Variants in ATF7IP2 observed in about 807,000 individuals in gnomAD.
The protein encoded by ATF7IP2 is activating transcription factor 7-interacting protein 2.
A neutral mutation model predicts 64.2 loss-of-function variants in ATF7IP2; 42 were observed. That is an observed-to-expected ratio of 0.65 (90% CI 0.51 to 0.85). ATF7IP2 has a LOEUF of 0.85. ATF7IP2 is among the 40% of genes least tolerant of loss of function. The probability of loss-of-function intolerance (pLI) is 0.00; values close to 1 mark genes in which losing one functional copy is unlikely to be tolerated. For missense variants in ATF7IP2, 933 were observed against 784.2 expected (o/e 1.19, Z -2.27); for synonymous variants, 308 against 272.8 (o/e 1.13, Z -1.27).
At chr16:10,468,429 A>C (rs1388902916) in intron 9 of ATF7IP2, among the ~76,000 whole-genome samples, 2 of 152,162 alleles carry the variant, frequency 1.3e-5, no homozygotes, top group Admixed American at 1.3e-4. Flanking sequence ...AGGCTGAAAA[A>C]TTATTTTCAG....
Position 10,474,008 on chromosome 16 carries a change from T to A in ATF7IP2, c.1549+19T>A. ...AATACAGGTAAAAGGATTTTTTAGATCTTTCTTTTGTAAAAAGGAGGGAAG... is the reference window on the plus strand; with the variant it reads ...AATACAGGTAAAAGGATTTTTTAGAACTTTCTTTTGTAAAAAGGAGGGAAG... On this transcript the variant is annotated intron_variant, in intron 12 of 13. Coordinates refer to ENST00000562102, the MANE Select transcript of ATF7IP2 (RefSeq NM_001393719.1). 6.5e-7 allele frequency: 1 copy of A among 1,535,486 alleles called. No individual in the cohort carries two copies. The highest frequency in any genetic ancestry group is 8.9e-7 in the Non-Finnish European group (1 of 1,119,306).
Position 10,473,995 on chromosome 16 carries a change from A to G in ATF7IP2, c.1549+6A>G. 1 of 1,563,358 alleles carries G rather than the reference A, an allele frequency of 6.4e-7. No homozygotes were observed. The highest frequency in any genetic ancestry group is 8.8e-7 in the Non-Finnish European group (1 of 1,141,396). ...CCTATCCAACTGCAATACAGGTAAA[A>G]GGATTTTTTAGATCTTTCTTTTGTA... On this transcript the variant is annotated splice_donor_region_variant and intron_variant, in intron 12 of 13. Coordinates refer to ENST00000562102, the MANE Select transcript of ATF7IP2 (RefSeq NM_001393719.1).
At chr16:10,475,994 G>A (rs2049995858) in intron 12 of ATF7IP2, among the ~76,000 whole-genome samples, 1 of 152,160 alleles carries the variant, frequency 6.6e-6, no homozygotes, top group Admixed American at 6.5e-5. Context: ...GTTGTAGTCT[G>A]TTTTAATTTG....
intron 8 of ATF7IP2, 59 bp downstream of exon 8, chr16:10,440,521 T>A: frequency 1.0e-6 from 1 of 969,568 alleles, no homozygotes; most frequent in Non-Finnish European, 1.6e-6. Flanking sequence ...GTGGTTTGAT[T>A]AGAAGAAATG....
chr16:10,467,284 C>CT (rs2049610108), intron 9 of ATF7IP2, among the ~76,000 whole-genome samples: 1 of 152,066 alleles, frequency 6.6e-6, no homozygotes, highest in Non-Finnish European at 1.5e-5. Flanking sequence ...AAATTACCTC[C>CT]TTTTTAAAGA....
chr16:10,419,168 A>G (rs1291115239), intron 2 of ATF7IP2, among the ~76,000 whole-genome samples: 1 of 152,236 alleles, frequency 6.6e-6, no homozygotes, highest in Admixed American at 6.5e-5. Flanking sequence ...ATTATGGTAA[A>G]TAGTGAGACC....
At chr16:10,387,789 A>G (rs1456164559) in intron 1 of ATF7IP2, 1 of 151,484 alleles carries the variant, frequency 6.6e-6, no homozygotes, top group African/African-American at 2.4e-5. Context: ...ATACCAAAAA[A>G]TCTTATTCTC....
At chr16:10,388,170 C>T (rs1283424915) in intron 1 of ATF7IP2, among the ~76,000 whole-genome samples, 1 of 152,156 alleles carries the variant, frequency 6.6e-6, no homozygotes, top group Non-Finnish European at 1.5e-5. Context: ...GGATGACAGG[C>T]GCTAGTCTTA....
At position 10,482,755 on chromosome 16, in the gene ATF7IP2, A is replaced by G. The variant is rs1432142069; in HGVS notation, c.*506A>G. The G allele has an allele frequency of 6.6e-6, 1 of 152,316 alleles. No individual in the cohort carries two copies. The highest frequency in any genetic ancestry group is 2.4e-5 in the African/African-American group (1 of 41,412). The allele number at this position is 152,316 out of a possible 1,614,324, so 9.4% of individuals were successfully genotyped here. A position where few individuals can be genotyped will look rare whatever the true frequency, so the allele number is the denominator to read the frequency against. Reference sequence around the variant, plus strand: ...TAAAAGATTTTTTTTTTTGAGATGGAATATTGCTCTGTTGCCCAGGCTGGA... The same window carrying G: ...TAAAAGATTTTTTTTTTTGAGATGGGATATTGCTCTGTTGCCCAGGCTGGA... On this transcript the variant is annotated 3_prime_UTR_variant, in exon 14 of 14. Transcript: ENST00000562102.
chr16:10,467,622 G>A (rs1596601558), intron 9 of ATF7IP2, among the ~76,000 whole-genome samples: 1 of 150,300 alleles, frequency 6.7e-6, no homozygotes, highest in Non-Finnish European at 1.5e-5. Context: ...AGGCTGGAGT[G>A]CAGTGGTGTA....
At chr16:10,471,971 T>A in intron 9 of ATF7IP2, 139 bp from the exon 10 acceptor site, 1 of 453,454 alleles carries the variant, frequency 2.2e-6, no homozygotes, top group Non-Finnish European at 3.9e-6. Context: ...TTTGGTTTTA[T>A]CATTTCTATT....
chr16:10,420,026 C>G (rs1383348110), intron 3 of ATF7IP2, among the ~76,000 whole-genome samples: 3 of 152,206 alleles, frequency 2.0e-5, no homozygotes, highest in Non-Finnish European at 4.4e-5. Flanking sequence ...GTCCTGTAGT[C>G]TCTGTTTCCC....
rs201565138 is a variant in ATF7IP2, at chr16:10,431,326, G to C, written c.706G>C (p.Val236Leu). The C allele has an allele frequency of 1.7e-5, 27 of 1,614,078 alleles. No individual in the cohort carries two copies. Among genetic ancestry groups the C allele is most frequent in the Non-Finnish European group, 2.2e-5 (26 of 1,180,036 alleles). Residue 236 changes from valine to leucine, a missense_variant, in exon 5 of 14, where the codon GTG (valine) becomes CTG (leucine). By Grantham distance (32) the Val-to-Leu change is conservative. Transcript: ENST00000562102. ...FVPVEKTPNL[V>L]NSVTSNNCAD... is the part of the protein sequence containing the mutation. ...GCCTGTTGAGAAAACACCTAATTTG[G>C]TGAATTCAGTCACTTCTAACAACTG...
chr16:10,438,594 C>T (rs2048500447), intron 7 of ATF7IP2, among the ~76,000 whole-genome samples: 1 of 151,912 alleles, frequency 6.6e-6, no homozygotes, highest in African/African-American at 2.4e-5. Context: ...TGATATTTTT[C>T]ATATTAGCAA....
chr16:10,418,075 T>A (rs2047914354), intron 2 of ATF7IP2, among the ~76,000 whole-genome samples: 1 of 152,272 alleles, frequency 6.6e-6, no homozygotes, highest in Non-Finnish European at 1.5e-5. Flanking sequence ...CAAACAGAGT[T>A]TTACCCACAT....
chr16:10,430,940 C>T lies in ATF7IP2; in HGVS notation c.320C>T (p.Thr107Ile), dbSNP rs2048225601. 6.2e-7 allele frequency: 1 copy of T among 1,613,858 alleles called. No homozygotes were observed. Among genetic ancestry groups the T allele is most frequent in the South Asian group, 1.1e-5 (1 of 91,082 alleles). ...GTAGAAGAAATTGTTCATTCAGAAACAAAATTGGAACAAGTTGTTTGTTCG... is the reference window on the plus strand; with the variant it reads ...GTAGAAGAAATTGTTCATTCAGAAATAAAATTGGAACAAGTTGTTTGTTCG... ...KPVEEIVHSE[T>I]KLEQVVCSYQ... The change falls in exon 5 of 14, where the codon ACA (threonine) becomes ATA (isoleucine). Residue 107 changes from threonine (T) to isoleucine (I), a missense_variant. By Grantham distance (89) the Thr-to-Ile change is moderately conservative. Transcript: ENST00000562102.
At chr16:10,453,336 G>T (rs1231727349) in intron 8 of ATF7IP2, among the ~76,000 whole-genome samples, 1 of 152,150 alleles carries the variant, frequency 6.6e-6, no homozygotes, top group African/African-American at 2.4e-5. Flanking sequence ...CCTTGGGTAG[G>T]GAAGAGAATT....
intron 1 of ATF7IP2, among the ~76,000 whole-genome samples, chr16:10,405,387 A>G (rs1305391467): frequency 2.0e-5 from 3 of 152,034 alleles, no homozygotes; most frequent in Admixed American, 1.3e-4. Context: ...AAAAAAAGTT[A>G]ATATTCATTA....
chr16:10,401,244 T>G (rs1403684585), intron 1 of ATF7IP2, among the ~76,000 whole-genome samples: 2 of 151,246 alleles, frequency 1.3e-5, no homozygotes, highest in Non-Finnish European at 3.0e-5. Context: ...CTCGGCTCAC[T>G]GCAACCTCCA....
Sources: gnomAD v4.1 joint callset for allele counts (sites outside exome capture counted in the v4.1 genomes callset) on GRCh38, gnomAD v4.1.1 for gene constraint, MANE v1.5 for transcripts, NCBI Gene and HGNC (gene_info 2026-07-23, HGNC 2026-07-21) for gene names.